Variants in PLCL2 observed in about 807,000 individuals in gnomAD.
PLCL2 encodes the protein inactive phospholipase C-like protein 2.
PLCL2 carries 4 observed loss-of-function variants against 79.6 expected under a neutral mutation model. The ratio of observed to expected loss-of-function variants is 0.05; its 90% CI spans 0.02 to 0.11. PLCL2 has a LOEUF of 0.11. Ranked by LOEUF, PLCL2 falls within the 10% of genes least tolerant of loss-of-function variation. The probability of loss-of-function intolerance (pLI) is 1.00; values close to 1 mark genes in which losing one functional copy is unlikely to be tolerated. For missense variants in PLCL2, 895 were observed against 1,291.0 expected (o/e 0.69, Z 4.70); for synonymous variants, 484 against 457.7 (o/e 1.06, Z -0.73).
At chr3:16,974,395 G>A (rs534380362) in intron 1 of PLCL2, among the ~76,000 whole-genome samples, 7 of 152,226 alleles carry the variant, frequency 4.6e-5, no homozygotes, top group African/African-American at 1.2e-4. Flanking sequence ...GGGTTTCAGC[G>A]GGGATTTAGG....
chr3:16,915,065 T>C (rs1341748993), intron 1 of PLCL2, among the ~76,000 whole-genome samples: 2 of 152,192 alleles, frequency 1.3e-5, no homozygotes, highest in Non-Finnish European at 2.9e-5. Context: ...GACAATACTT[T>C]TGAGTTTAAG....
At chr3:17,086,316 A>G (rs905429297) in intron 5 of PLCL2, among the ~76,000 whole-genome samples, 2 of 152,246 alleles carry the variant, frequency 1.3e-5, no homozygotes, top group Non-Finnish European at 2.9e-5. Context: ...CAAAGAGGCA[A>G]AGGCAATACA....
At chr3:16,927,174 G>A (rs747388052) in intron 1 of PLCL2, among the ~76,000 whole-genome samples, 12 of 152,036 alleles carry the variant, frequency 7.9e-5, no homozygotes, top group Non-Finnish European at 8.8e-5. Context: ...TATTCTTTAC[G>A]GAAGAACTGG....
chr3:16,907,339 T>C (rs976649113), intron 1 of PLCL2, among the ~76,000 whole-genome samples: 2 of 152,224 alleles, frequency 1.3e-5, no homozygotes, highest in South Asian at 2.1e-4. Flanking sequence ...CACAACTTTA[T>C]AGGACTGAAT....
At chr3:16,928,505 T>C (rs1302603033) in intron 1 of PLCL2, among the ~76,000 whole-genome samples, 2 of 152,020 alleles carry the variant, frequency 1.3e-5, no homozygotes, top group Non-Finnish European at 2.9e-5. Flanking sequence ...CAGCCCCAGA[T>C]AGAGACCAAG....
intron 5 of PLCL2, among the ~76,000 whole-genome samples, chr3:17,087,739 T>C (rs1378186008): frequency 6.6e-6 from 1 of 152,114 alleles, no homozygotes; most frequent in African/African-American, 2.4e-5. Context: ...AAGGTTTGCG[T>C]AGGGAGGGAG....
chr3:16,935,529 A>G (rs1047861242), intron 1 of PLCL2, among the ~76,000 whole-genome samples: 5 of 152,128 alleles, frequency 3.3e-5, no homozygotes, highest in African/African-American at 1.2e-4. Context: ...TCTTTAATTC[A>G]TCCGGAATTT....
chr3:17,072,052 C>A (rs2065065274), intron 5 of PLCL2, among the ~76,000 whole-genome samples: 1 of 152,096 alleles, frequency 6.6e-6, no homozygotes, highest in African/African-American at 2.4e-5. Context: ...GTTTCGAACT[C>A]CTGACCTCAG....
At chr3:16,968,684 G>A (rs917558792) in intron 1 of PLCL2, among the ~76,000 whole-genome samples, 25 of 152,080 alleles carry the variant, frequency 1.6e-4, no homozygotes, top group Non-Finnish European at 1.5e-4. Context: ...AAACTATGGG[G>A]TGTTCCAGGT....
intron 3 of PLCL2, among the ~76,000 whole-genome samples, chr3:17,028,490 T>A (rs2064542977): frequency 6.6e-6 from 1 of 151,974 alleles, no homozygotes; most frequent in Admixed American, 6.6e-5. Context: ...TTCTTTTTTT[T>A]TTTGAGACAG....
rs1025689198 is a variant in PLCL2, at chr3:16,979,888, G to A, written c.328-29786G>A. Among the ~76,000 whole-genome samples, 3 of 150,576 alleles carry A rather than the reference G, an allele frequency of 2.0e-5. No homozygotes were observed. The South Asian group carries it at 6.4e-4, about 32-fold the overall frequency. On this transcript the variant is annotated intron_variant, in intron 1 of 5. Transcript: ENST00000615277. Reference sequence around the variant, plus strand: ...AGACGGGGTGGTGGCCGGGCAGAGGGGCTCCTCACTTCCCAGTAGGCACGG... The same window carrying A: ...AGACGGGGTGGTGGCCGGGCAGAGGAGCTCCTCACTTCCCAGTAGGCACGG...
chr3:17,075,914 C>G (rs1345952579), intron 5 of PLCL2, among the ~76,000 whole-genome samples: 1 of 152,094 alleles, frequency 6.6e-6, no homozygotes, highest in East Asian at 1.9e-4. Flanking sequence ...TTGTTTATAC[C>G]TGCACCAATT....
intron 4 of PLCL2, among the ~76,000 whole-genome samples, chr3:17,050,121 A>T (rs376166128): frequency 4.6e-5 from 7 of 152,188 alleles, no homozygotes; most frequent in East Asian, 3.8e-4. Flanking sequence ...GGAAAACGGG[A>T]TATCCATATG....
chr3:16,983,200 G>A (rs1281433444), intron 1 of PLCL2, among the ~76,000 whole-genome samples: 2 of 151,576 alleles, frequency 1.3e-5, no homozygotes, highest in Non-Finnish European at 2.9e-5. Flanking sequence ...TTTTCTTTAG[G>A]GTTAGACTTG....
chr3:16,891,191 G>A (rs1483756914), intron 1 of PLCL2, among the ~76,000 whole-genome samples: 1 of 152,212 alleles, frequency 6.6e-6, no homozygotes, highest in Admixed American at 6.5e-5. Flanking sequence ...GCTTGGATTA[G>A]ATCCTGGCTT....
intron 1 of PLCL2, among the ~76,000 whole-genome samples, chr3:16,894,923 G>A (rs1212830103): frequency 6.6e-6 from 1 of 151,846 alleles, no homozygotes; most frequent in Admixed American, 6.6e-5. Flanking sequence ...AGAAAATAAA[G>A]GATATCGCTT....
At chr3:16,907,910 T>A (rs776561984) in intron 1 of PLCL2, among the ~76,000 whole-genome samples, 1 of 152,216 alleles carries the variant, frequency 6.6e-6, no homozygotes, top group Non-Finnish European at 1.5e-5. Flanking sequence ...TTTGTTTTAT[T>A]TCAAAACAAG....
intron 1 of PLCL2, among the ~76,000 whole-genome samples, chr3:16,954,646 G>A (rs2063686526): frequency 1.3e-5 from 2 of 152,120 alleles, no homozygotes. Flanking sequence ...CCCACCAACA[G>A]TGTAAAAGTG....
At position 16,907,078 on chromosome 3, in the gene PLCL2, G is replaced by A. The variant is rs369773804; in HGVS notation, c.327+21712G>A. On this transcript the variant is annotated intron_variant, in intron 1 of 5. Transcript: ENST00000615277. ...TCTGAAAATGAGTTTGACCATGTTC[G>A]TTTAGTTTTTAGTGTCTTATCATCC... Among the ~76,000 whole-genome samples, 8 of 152,216 alleles carry A rather than the reference G, an allele frequency of 5.3e-5. 1 individual carries two copies. The highest frequency in any genetic ancestry group is 1.5e-5 in the Non-Finnish European group (1 of 67,994).
Sources: allele counts gnomAD v4.1 joint callset (sites outside exome capture counted in the v4.1 genomes callset), GRCh38; gene constraint gnomAD v4.1.1; transcripts MANE v1.5; gene names NCBI Gene and HGNC (gene_info 2026-07-23, HGNC 2026-07-21).